Variants in MYOM1 observed in about 807,000 individuals in gnomAD.
MYOM1 encodes the protein myomesin 1.
A neutral mutation model predicts 205.3 loss-of-function variants in MYOM1; 164 were observed. The observed-to-expected ratio is 0.80, with a 90% CI of 0.70 to 0.91. The LOEUF is 0.91. MYOM1 is among the 40% of genes least tolerant of loss of function. MYOM1 has a pLI of 0.00. For missense variants in MYOM1, 2,011 were observed against 2,127.3 expected, an observed-to-expected ratio of 0.95 and a Z score of 1.08; for synonymous variants, 772 against 789.4, an observed-to-expected ratio of 0.98 and a Z score of 0.37.
rs1424599860 is a variant in MYOM1, at chr18:3,193,305, T to C, written c.431+513A>G. Among the ~76,000 whole-genome samples the C allele has an allele frequency of 4.8e-5, 7 of 145,564 alleles. No individual in the cohort carries two copies. The East Asian group carries it at 9.8e-4, about 20-fold the overall frequency. ...ATAAATATATATACATATACATACA[T>C]ATATATATGTATATGTACATATACA... On this transcript the variant is annotated intron_variant, in intron 3 of 37. Transcript: ENST00000356443.
chr18:3,083,334 G>C (rs2079106646), intron 33 of MYOM1, among the ~76,000 whole-genome samples: 1 of 151,822 alleles, frequency 6.6e-6, no homozygotes, highest in Non-Finnish European at 1.5e-5. Context: ...CCTTACTTGA[G>C]AAGAACAGAA....
chr18:3,144,485 G>A (rs1028562283), intron 13 of MYOM1, among the ~76,000 whole-genome samples: 1 of 152,090 alleles, frequency 6.6e-6, no homozygotes, highest in Admixed American at 6.6e-5. Context: ...CCATATCAAC[G>A]ATCAGATGAA....
chr18:3,119,979 TCCTTCA>T lies in MYOM1; in HGVS notation c.3002_3007del (p.Leu1001_Glu1003delinsTer). The T allele has an allele frequency of 6.2e-7, 1 of 1,602,088 alleles. No individual in the cohort carries two copies. The highest frequency in any genetic ancestry group is 8.5e-7 in the Non-Finnish European group (1 of 1,173,908). ...CACTTGGAACTGATACACCATGTTT[TCCTTCA>T]AGTTGCTAATCTGCAACATTGACAA... On this transcript the variant is annotated stop_gained and inframe_deletion, in exon 20 of 38. Coordinates refer to ENST00000356443, the MANE Select transcript of MYOM1 (RefSeq NM_003803.4). LOFTEE classifies it high-confidence loss of function.
chr18:3,171,704 AAAG>A (rs1165946548), intron 8 of MYOM1, among the ~76,000 whole-genome samples: 6 of 152,170 alleles, frequency 3.9e-5, no homozygotes, highest in Non-Finnish European at 7.3e-5. Flanking sequence ...AAAAAAATAA[AAAG>A]AAGTACAGTA....
In MYOM1 at chr18:3,129,428, C is replaced by T. The variant is rs778413922; in HGVS notation, c.2598G>A (p.Pro866=). The T allele has an allele frequency of 2.7e-5, 44 of 1,613,796 alleles. No homozygotes were observed. Among genetic ancestry groups the T allele is most frequent in the Non-Finnish European group, 3.4e-5 (40 of 1,179,882 alleles). The change falls in exon 18 of 38, where the codon CCG becomes CCA. Residue 866 remains proline, a synonymous_variant. Transcript: ENST00000356443. ...ASRGRVHEAS[P]PTFQKDALLG... is the part of the protein sequence containing the mutation. ...GCAAAGCATCTTTCTGGAAGGTTGG[C>T]GGGGAGGCTTCATGCACGCGCCCCC...
chr18:3,079,465 T>C lies in MYOM1; in HGVS notation c.4485-123A>G, dbSNP rs892527433. 6.5e-6 allele frequency: 7 copies of C among 1,081,310 alleles called. No homozygotes were observed. In the East Asian group the frequency reaches 1.3e-4, roughly 20 times the overall value. 67.0% of individuals were successfully genotyped at this position (1,081,310 alleles called of 1,614,324 possible). On this transcript the variant is annotated intron_variant, in intron 33 of 37. Transcript: ENST00000356443. The stretch of plus-strand genomic sequence containing the variant: ...GCTTTCAAAAAACGAGGGATCTGCA[T>C]ATGTTATTCTTCTGCTTCAGAAAAA...
intron 14 of MYOM1, among the ~76,000 whole-genome samples, chr18:3,139,346 T>C (rs1175183789): frequency 1.3e-5 from 2 of 152,100 alleles, no homozygotes; most frequent in Admixed American, 6.6e-5. Flanking sequence ...AGGAAAAAGT[T>C]TGGGTGTAAA....
At chr18:3,157,276 AGGT>A (rs2144019618) in intron 10 of MYOM1, among the ~76,000 whole-genome samples, 1 of 152,290 alleles carries the variant, frequency 6.6e-6, no homozygotes, top group South Asian at 2.1e-4. Context: ...CTTGGAACTG[AGGT>A]GGGCTTGACA....
chr18:3,232,343 A>G, the MYOM1 span, among the ~76,000 whole-genome samples: 1 of 151,992 alleles, frequency 6.6e-6, no homozygotes, highest in Non-Finnish European at 1.5e-5. Flanking sequence ...AAAAAAAAAA[A>G]GTAGAACCAT....
chr18:3,240,078 T>G, the MYOM1 span, among the ~76,000 whole-genome samples: 32 of 152,246 alleles, frequency 2.1e-4, no homozygotes, highest in African/African-American at 7.0e-4. Context: ...CTATAATTTT[T>G]GTTTTAGGTA....
At chr18:3,229,950 T>C in the MYOM1 span, among the ~76,000 whole-genome samples, 1 of 113,094 alleles carries the variant, frequency 8.8e-6, no homozygotes, top group South Asian at 2.8e-4. Context: ...CACTCCATCC[T>C]AGGCAACAAG....
At chr18:3,246,726 C>T in the MYOM1 span, 2 of 152,352 alleles carry the variant, frequency 1.3e-5, no homozygotes, top group African/African-American at 2.4e-5. Flanking sequence ...GCAACCCAAA[C>T]TTCAGAAGGG....
In MYOM1 at chr18:3,116,310, T is replaced by C. The variant is rs776751679; in HGVS notation, c.3303+21A>G. 8.1e-6 allele frequency: 13 copies of C among 1,606,454 alleles called. No individual in the cohort carries two copies. The South Asian group carries it at 1.0e-4, about 12-fold the overall frequency. ...GTAGAGCAGTTAGTAGAGGAAGCTC[T>C]AGAACTGAGCAGCCTCTTACCTTCA... On this transcript the variant is annotated intron_variant, in intron 21 of 37. Transcript: ENST00000356443.
At chr18:3,078,872 A>G (rs1425819078) in intron 34 of MYOM1, among the ~76,000 whole-genome samples, 1 of 150,680 alleles carries the variant, frequency 6.6e-6, no homozygotes, top group African/African-American at 2.4e-5. Context: ...GGGTTTCACT[A>G]TGTTGCTACA....
intron 2 of MYOM1, among the ~76,000 whole-genome samples, chr18:3,196,151 C>T (rs2080988315): frequency 6.6e-6 from 1 of 152,056 alleles, no homozygotes; most frequent in Non-Finnish European, 1.5e-5. Flanking sequence ...TGTATTGAGG[C>T]TACCAAACAA....
intron 8 of MYOM1, among the ~76,000 whole-genome samples, chr18:3,169,871 T>C (rs1310503231): frequency 2.0e-5 from 3 of 152,166 alleles, no homozygotes; most frequent in Non-Finnish European, 4.4e-5. Flanking sequence ...CTTTTCACAA[T>C]AGGCCAGGAT....
intron 29 of MYOM1, among the ~76,000 whole-genome samples, chr18:3,087,834 C>T (rs568541168): frequency 1.8e-4 from 27 of 152,002 alleles, no homozygotes; most frequent in Non-Finnish European, 3.1e-4. Flanking sequence ...AGTAGACTAG[C>T]GCCAAGCAAG....
At chr18:3,223,631 T>C (rs886265686), upstream of MYOM1, among the ~76,000 whole-genome samples, 2 of 152,214 alleles carry the variant, frequency 1.3e-5, no homozygotes, top group South Asian at 4.1e-4. Context: ...ACCTGTGCTA[T>C]CAATCCACAA....
At chr18:3,244,735 A>C in the MYOM1 span, among the ~76,000 whole-genome samples, 3 of 145,354 alleles carry the variant, frequency 2.1e-5, no homozygotes, top group Admixed American at 2.1e-4. Context: ...CTAAAATACA[A>C]AAAAAAAAAA....
Sources: allele counts gnomAD v4.1 joint callset (sites outside exome capture counted in the v4.1 genomes callset), GRCh38; gene constraint gnomAD v4.1.1; transcripts MANE v1.5; gene names NCBI Gene and HGNC (gene_info 2026-07-23, HGNC 2026-07-21).